The following RIPK3 variants were observed in gnomAD, a reference collection of about 807,000 sequenced individuals.
RIPK3 encodes receptor-interacting serine/threonine-protein kinase 3.
In RIPK3, 51 loss-of-function variants were observed where a neutral mutation model predicts 51.6. The ratio of observed to expected loss-of-function variants is 0.99; its 90% CI spans 0.79 to 1.25. The LOEUF (loss-of-function observed/expected upper bound fraction) is 1.25. Ranked by LOEUF, RIPK3 falls within the 50% of genes most tolerant of loss-of-function variation. RIPK3 has a pLI of 0.00. For missense variants in RIPK3, 654 were observed against 650.4 expected, an observed-to-expected ratio of 1.01 and a Z score of -0.06; for synonymous variants, 246 against 257.7, an observed-to-expected ratio of 0.95 and a Z score of 0.44.
At chr14:24,337,011 C>T (rs1311922558) in intron 8 of RIPK3, 66 bp from the exon 9 acceptor site, 8 of 1,605,534 alleles carry the variant, frequency 5.0e-6, no homozygotes, top group Non-Finnish European at 6.8e-6. Context: ...CTCCTCTCAG[C>T]CCCAAGTTTT....
In RIPK3 at chr14:24,338,519, T is replaced by C; in HGVS notation, c.520A>G (p.Thr174Ala). 6.2e-7 allele frequency: 1 copy of C among 1,612,412 alleles called. No individual in the cohort carries two copies. Among genetic ancestry groups the C allele is most frequent in the Non-Finnish European group, 8.5e-7 (1 of 1,178,660 alleles). The change falls in exon 4 of 10, where the codon ACA becomes GCA. Residue 174 changes from threonine (T) to alanine (A), a missense_variant. Thr to Ala is a moderately conservative substitution (Grantham distance 58, BLOSUM62 0). Transcript: ENST00000216274. ...GTGCCCCCTGGCTCCCCGGACCCTG[T>C]CCCTGACTGTGAGCCTCCCTGAAAT... ...STFQGGSQSGTGSGEPGGTLG... is the reference protein window; with the variant it reads ...STFQGGSQSGAGSGEPGGTLG...
At chr14:24,336,427 G>T (rs776458804) in intron 9 of RIPK3, 32 bp from the exon 10 acceptor site, 6 of 1,599,908 alleles carry the variant, frequency 3.8e-6, no homozygotes, top group Admixed American at 3.4e-5. Context: ...TGGCAGGAGG[G>T]TTTAGCTGTC....
chr14:24,336,426 G>A, intron 9 of RIPK3, 31 bp from the exon 10 acceptor site: 1 of 1,600,228 alleles, frequency 6.2e-7, no homozygotes, highest in Non-Finnish European at 8.5e-7. Flanking sequence ...GTGGCAGGAG[G>A]GTTTAGCTGT....
In RIPK3 at chr14:24,339,590, C is replaced by T. The variant is rs754445636; in HGVS notation, c.28G>A (p.Gly10Ser). 9.3e-6 allele frequency: 15 copies of T among 1,614,090 alleles called. No individual in the cohort carries two copies. The highest frequency in any genetic ancestry group is 1.7e-5 in the Admixed American group (1 of 60,028). The change falls in exon 2 of 10, where the codon GGT becomes AGT. Residue 10 changes from glycine (G) to serine (S), a missense_variant. Transcript: ENST00000216274. The surrounding 1 kb of genome is among the most constrained non-coding windows in gnomAD (Gnocchi z 4.0). MSCVKLWPS[G>S]APAPLVSIEE... The stretch of plus-strand genomic sequence containing the variant: ...ATGGACACCAAGGGGGCGGGGGCAC[C>T]GCTGGGCCTGAGAGAGGGGTGTCGC...
rs1444233128 is a variant in RIPK3 at position 24,336,207 on chromosome 14, G to A, written c.1525C>T (p.Pro509Ser). The A allele has an allele frequency of 5.0e-6, 8 of 1,614,008 alleles. 1 individual carries two copies. In the South Asian group the frequency reaches 8.8e-5, roughly 18 times the overall value. ...GPKDPEAWSRPQGWYNHSGK is the reference protein window; with the variant it reads ...GPKDPEAWSRSQGWYNHSGK ...CCGCTATGATTATACCAACCCTGTG[G>A]CCTGCTCCAGGCTTCAGGATCTTTA... is the stretch of plus-strand genomic sequence containing the variant. Residue 509 changes from proline (P) to serine (S), a missense_variant, in exon 10 of 10, where the codon CCA becomes TCA. By Grantham distance (74) the Pro-to-Ser change is moderately conservative (BLOSUM62 -1). Coordinates refer to ENST00000216274, the MANE Select transcript of RIPK3 (RefSeq NM_006871.4).
In RIPK3 at chr14:24,339,786, G is replaced by C. The variant is rs746079331; in HGVS notation, c.20+21C>G. The C allele has an allele frequency of 2.3e-5, 36 of 1,573,856 alleles. No individual in the cohort carries two copies. Among genetic ancestry groups the C allele is most frequent in the Non-Finnish European group, 3.1e-5 (36 of 1,160,534 alleles). ...GGTGTGAATGTCGGAGGCTGCGATCGACATGCCACTCCCTACTCACCATAA... is the reference window on the plus strand; with the variant it reads ...GGTGTGAATGTCGGAGGCTGCGATCCACATGCCACTCCCTACTCACCATAA... On this transcript the variant is annotated intron_variant, in intron 1 of 9. Coordinates refer to ENST00000216274, the MANE Select transcript of RIPK3 (RefSeq NM_006871.4). This position sits in a 1 kb window ranked among gnomAD's most constrained non-coding sequence, Gnocchi z 4.0.
At position 24,336,302 on chromosome 14, in the gene RIPK3, C is replaced by T; in HGVS notation, c.1430G>A (p.Trp477Ter). 6.2e-7 allele frequency: 1 copy of T among 1,614,010 alleles called. No homozygotes were observed. The highest frequency in any genetic ancestry group is 8.5e-7 in the Non-Finnish European group (1 of 1,180,034). The change falls in exon 10 of 10, where the codon TGG becomes TAG. Residue 477 changes from tryptophan (W) to a stop codon, truncating the protein, a stop_gained. Coordinates refer to ENST00000216274, the MANE Select transcript of RIPK3 (RefSeq NM_006871.4). LOFTEE classifies it low-confidence loss of function (END_TRUNC). ...TMQQTTALPTWGLAPSGKGRG... is the reference protein window; with the variant it reads ...TMQQTTALPT Reference sequence around the variant, plus strand: ...CCCCTTGCCCGAAGGTGCCAAGCCCCATGTGGGCAAGGCAGTTGTCTGTTG... The same window carrying T: ...CCCCTTGCCCGAAGGTGCCAAGCCCTATGTGGGCAAGGCAGTTGTCTGTTG...
At chr14:24,336,528 G>A (rs2042137587) in intron 9 of RIPK3, 133 bp from the exon 10 acceptor site, 4 of 1,262,914 alleles carry the variant, frequency 3.2e-6, no homozygotes, top group Non-Finnish European at 4.3e-6. Context: ...TCCCCTCAGA[G>A]CTCCTCTCCA....
At chr14:24,336,477 T>G in intron 9 of RIPK3, 82 bp from the exon 10 acceptor site, 1 of 1,547,438 alleles carries the variant, frequency 6.5e-7, no homozygotes, top group Non-Finnish European at 8.7e-7. Flanking sequence ...GTATGAAGTC[T>G]CTACTTGTCA....
intron 3 of RIPK3, 164 bp downstream of exon 3, chr14:24,338,851 G>T: frequency 1.5e-6 from 1 of 686,922 alleles, no homozygotes; most frequent in Non-Finnish European, 2.4e-6. Context: ...GTAGGCAGGA[G>T]CTAAAACTCC....
rs752620749 is a variant in RIPK3 at position 24,339,422 on chromosome 14, C to T, written c.161+35G>A. Reference sequence around the variant, plus strand: ...GAGCACAGTGGCTCCACCTTTTTGGCCAGATTGCGGCTGGGGTCAACCGGG... The same window carrying T: ...GAGCACAGTGGCTCCACCTTTTTGGTCAGATTGCGGCTGGGGTCAACCGGG... On this transcript the variant is annotated intron_variant, in intron 2 of 9. Transcript: ENST00000216274. This position sits in a 1 kb window ranked among gnomAD's most constrained non-coding sequence, Gnocchi z 4.0. 16 of 1,613,648 alleles carry T rather than the reference C, an allele frequency of 9.9e-6. No individual in the cohort carries two copies. In the Admixed American group the frequency reaches 1.7e-4, roughly 17 times the overall value.
intron 3 of RIPK3, 129 bp downstream of exon 3, chr14:24,338,886 C>T (rs1450409704): frequency 1.3e-6 from 1 of 795,530 alleles, no homozygotes; most frequent in South Asian, 1.7e-5. Context: ...CCCCTGGCAG[C>T]CCTGTGTCCA....
Position 24,339,745 on chromosome 14 carries a change from T to G in RIPK3, c.20+62A>C. Reference sequence around the variant, plus strand: ...GACTCAAAGACGTTCTCTGAGCGAGTCTGTGGGGCTCTCTGGGTGTGAATG... The same window carrying G: ...GACTCAAAGACGTTCTCTGAGCGAGGCTGTGGGGCTCTCTGGGTGTGAATG... On this transcript the variant is annotated intron_variant, in intron 1 of 9. Transcript: ENST00000216274. The surrounding 1 kb of genome is among the most constrained non-coding windows in gnomAD (Gnocchi z 4.0). The G allele has an allele frequency of 1.9e-6, 3 of 1,564,802 alleles. No individual in the cohort carries two copies. The highest frequency in any genetic ancestry group is 2.6e-6 in the Non-Finnish European group (3 of 1,154,934).
chr14:24,339,626 G>A lies in RIPK3; in HGVS notation c.21-29C>T, dbSNP rs2042170813. On this transcript the variant is annotated intron_variant, in intron 1 of 9. Coordinates refer to ENST00000216274, the MANE Select transcript of RIPK3 (RefSeq NM_006871.4). The surrounding 1 kb of genome is among the most constrained non-coding windows in gnomAD (Gnocchi z 4.0). ...AGAGAGGGGTGTCGCCCACTAGCCGGCCGTGCCGTGCCTCAGCGCTGCTCC... is the reference window on the plus strand; with the variant it reads ...AGAGAGGGGTGTCGCCCACTAGCCGACCGTGCCGTGCCTCAGCGCTGCTCC... 2 of 1,612,738 alleles carry A rather than the reference G, an allele frequency of 1.2e-6. No individual in the cohort carries two copies. Among genetic ancestry groups the A allele is most frequent in the African/African-American group, 1.3e-5 (1 of 74,922 alleles).
At position 24,338,763 on chromosome 14, in the gene RIPK3, G is replaced by A. The variant is rs561985243; in HGVS notation, c.472-196C>T. 42 of 801,690 alleles carry A rather than the reference G, an allele frequency of 5.2e-5. No homozygotes were observed. The East Asian group carries it at 9.4e-4, about 18-fold the overall frequency. 49.7% of individuals were successfully genotyped at this position (801,690 alleles called of 1,614,324 possible). Reference sequence around the variant, plus strand: ...TCAAGGTCTGAGTCTCCAGGGCTGGGTCAGCCATGACTCTTTGGAGGGGCT... The same window carrying A: ...TCAAGGTCTGAGTCTCCAGGGCTGGATCAGCCATGACTCTTTGGAGGGGCT... On this transcript the variant is annotated intron_variant, in intron 3 of 9. Transcript: ENST00000216274.
At position 24,339,050 on chromosome 14, in the gene RIPK3, A is replaced by G. The variant is rs758969147; in HGVS notation, c.436T>C (p.Ser146Pro). ...PVLLHRDLKPSNVLLDPELHV... is the reference protein window; with the variant it reads ...PVLLHRDLKPPNVLLDPELHV... ...AGCTCTGGGTCCAGCAGGACGTTGG[A>G]TGGCTTGAGGTCCCGGTGCAGGAGC... Residue 146 changes from serine (S) to proline (P), a missense_variant, in exon 3 of 10, where the codon TCC becomes CCC. Ser to Pro is a moderately conservative substitution (Grantham distance 74). Transcript: ENST00000216274. The surrounding 1 kb of genome is among the most constrained non-coding windows in gnomAD (Gnocchi z 4.0). The G allele has an allele frequency of 6.2e-7, 1 of 1,614,122 alleles. No homozygotes were observed. The highest frequency in any genetic ancestry group is 8.5e-7 in the Non-Finnish European group (1 of 1,179,996).
At position 24,339,715 on chromosome 14, in the gene RIPK3, C is replaced by T; in HGVS notation, c.20+92G>A. 9 of 1,576,324 alleles carry T rather than the reference C, an allele frequency of 5.7e-6. No homozygotes were observed. Among genetic ancestry groups the T allele is most frequent in the Non-Finnish European group, 7.8e-6 (9 of 1,158,634 alleles). ...AGCCTCCCTCGCCGGCCCCCACCGTCCCCGGACTCAAAGACGTTCTCTGAG... is the reference window on the plus strand; with the variant it reads ...AGCCTCCCTCGCCGGCCCCCACCGTTCCCGGACTCAAAGACGTTCTCTGAG... On this transcript the variant is annotated intron_variant, in intron 1 of 9. Coordinates refer to ENST00000216274, the MANE Select transcript of RIPK3 (RefSeq NM_006871.4). This position sits in a 1 kb window ranked among gnomAD's most constrained non-coding sequence, Gnocchi z 4.0.
In RIPK3 at chr14:24,336,878, T is replaced by C. The variant is rs2139238664; in HGVS notation, c.1336+7A>G. The stretch of plus-strand genomic sequence containing the variant: ...ACAGGGAAAAGAAAGAGGTAGAGAA[T>C]GGGTACCTGTTACTGGATTTGGCTC... On this transcript the variant is annotated splice_region_variant and intron_variant, in intron 9 of 9. Coordinates refer to ENST00000216274, the MANE Select transcript of RIPK3 (RefSeq NM_006871.4). The C allele has an allele frequency of 6.2e-7, 1 of 1,611,060 alleles. No individual in the cohort carries two copies. Among genetic ancestry groups the C allele is most frequent in the Non-Finnish European group, 8.5e-7 (1 of 1,177,192 alleles).
rs1414026968 is a variant in RIPK3 at position 24,337,978 on chromosome 14, C to A, written c.727G>T (p.Ala243Ser). ...TCAGGCCCGGCTTGGGGCAGCTCAG[C>A]CAATGAAGGCCGGTTCTGCCTGTTG... is the stretch of plus-strand genomic sequence containing the variant. The part of the protein sequence containing the change: ...VCNRQNRPSL[A>S]ELPQAGPETP... Residue 243 changes from alanine (A) to serine (S), a missense_variant, in exon 6 of 10, where the codon GCT becomes TCT. Coordinates refer to ENST00000216274, the MANE Select transcript of RIPK3 (RefSeq NM_006871.4). 1 of 1,614,064 alleles carries A rather than the reference C, an allele frequency of 6.2e-7. No individual in the cohort carries two copies.
Sources: allele counts gnomAD v4.1 joint callset, GRCh38; gene constraint gnomAD v4.1.1; non-coding constraint Gnocchi (gnomAD v3.1); transcripts MANE v1.5; gene names NCBI Gene and HGNC (gene_info 2026-07-23, HGNC 2026-07-21).